The following FUT9 variants were observed in gnomAD, a reference collection of about 807,000 sequenced individuals.
The protein encoded by FUT9 is fucosyltransferase 9, also known as 4-galactosyl-N-acetylglucosaminide 3-alpha-L-fucosyltransferase 9.
In FUT9, 15 loss-of-function variants were observed where a neutral mutation model predicts 29.7. That is an observed-to-expected ratio of 0.51 (90% CI 0.34 to 0.78). FUT9 has a LOEUF of 0.78. FUT9 is among the 30% of genes least tolerant of loss of function. FUT9 has a pLI of 0.01. For missense variants in FUT9, 319 were observed against 425.4 expected (o/e 0.75, Z 2.20); for synonymous variants, 169 against 153.7 (o/e 1.10, Z -0.74).
intron 2 of FUT9, among the ~76,000 whole-genome samples, chr6:96,188,396 A>C (rs4240602): frequency 0.91 from 138,693 of 152,052 alleles, 64,627 homozygotes; most frequent in Non-Finnish European, 1. Flanking sequence ...CCTCCTGAGT[A>C]GCAAGCAATC....
intron 1 of FUT9, among the ~76,000 whole-genome samples, chr6:96,078,405 C>CTGATTTTTTTTTTTTTTTTTTTTTTTT (rs1201729276): frequency 2.2e-5 from 1 of 45,192 alleles, no homozygotes; most frequent in Non-Finnish European, 4.3e-5. Flanking sequence ...TCATATTAGT[C>CTGATTTTTTTTTTTTTTTTTTTTTTTT]TTCTTTTTTT....
At chr6:96,105,820 T>G (rs1771669344) in intron 1 of FUT9, among the ~76,000 whole-genome samples, 1 of 152,206 alleles carries the variant, frequency 6.6e-6, no homozygotes, top group South Asian at 2.1e-4. Context: ...TTAGGAACAT[T>G]GTTAGATATG....
intron 1 of FUT9, among the ~76,000 whole-genome samples, chr6:96,110,126 C>T (rs1436095820): frequency 6.6e-6 from 1 of 152,098 alleles, no homozygotes; most frequent in Non-Finnish European, 1.5e-5. Flanking sequence ...TTCAGTGGGC[C>T]TTTCCATCAG....
At chr6:96,049,241 T>G (rs1582193674) in intron 1 of FUT9, among the ~76,000 whole-genome samples, 1 of 152,236 alleles carries the variant, frequency 6.6e-6, no homozygotes, top group African/African-American at 2.4e-5. Context: ...CTGGGTGCTG[T>G]CCTCTGGAAT....
At chr6:96,021,738 A>G (rs1398635534) in intron 1 of FUT9, among the ~76,000 whole-genome samples, 1 of 152,112 alleles carries the variant, frequency 6.6e-6, no homozygotes, top group Non-Finnish European at 1.5e-5. Context: ...ATATGGCAGC[A>G]TTTAAATAAT....
chr6:96,064,483 C>T (rs760086682), intron 1 of FUT9, among the ~76,000 whole-genome samples: 4 of 151,942 alleles, frequency 2.6e-5, no homozygotes, highest in Non-Finnish European at 4.4e-5. Flanking sequence ...GGGCTGATGG[C>T]GTCATTAGAG....
chr6:96,054,983 A>G (rs914576245), intron 1 of FUT9, among the ~76,000 whole-genome samples: 15 of 152,174 alleles, frequency 9.9e-5, no homozygotes, highest in Non-Finnish European at 2.1e-4. Context: ...TCTTTAAATT[A>G]ATTTTCATTA....
chr6:96,192,958 T>C (rs370781658), intron 2 of FUT9, among the ~76,000 whole-genome samples: 1 of 151,878 alleles, frequency 6.6e-6, no homozygotes, highest in Non-Finnish European at 1.5e-5. Context: ...GGGGAAAGGA[T>C]TCCCTATTTA....
chr6:96,076,388 C>T, intron 1 of FUT9, among the ~76,000 whole-genome samples: 1 of 152,140 alleles, frequency 6.6e-6, no homozygotes, highest in Non-Finnish European at 1.5e-5. Context: ...TTTCAAGTGG[C>T]TATTGAATTA....
At chr6:96,122,077 T>C (rs1389690279) in intron 2 of FUT9, among the ~76,000 whole-genome samples, 1 of 152,140 alleles carries the variant, frequency 6.6e-6, no homozygotes, top group African/African-American at 2.4e-5. Context: ...CAATATTAGC[T>C]TGTGCACTTT....
intron 2 of FUT9, among the ~76,000 whole-genome samples, chr6:96,184,223 A>G (rs1474990743): frequency 3.3e-5 from 5 of 151,942 alleles, no homozygotes; most frequent in Admixed American, 6.6e-5. Flanking sequence ...TAGCTTTTCT[A>G]GTTTATGCAT....
chr6:96,097,667 T>G (rs1042802897), intron 1 of FUT9, among the ~76,000 whole-genome samples: 1 of 152,064 alleles, frequency 6.6e-6, no homozygotes, highest in Non-Finnish European at 1.5e-5. Context: ...TAGGACATAG[T>G]TCAATTTCTT....
At chr6:96,156,796 CTT>C (rs1424995479) in intron 2 of FUT9, among the ~76,000 whole-genome samples, 1 of 152,198 alleles carries the variant, frequency 6.6e-6, no homozygotes, top group Non-Finnish European at 1.5e-5. Context: ...TCTAAGCACT[CTT>C]TTCATTTTAT....
chr6:96,044,072 T>A (rs1355204062), intron 1 of FUT9, among the ~76,000 whole-genome samples: 1 of 152,324 alleles, frequency 6.6e-6, no homozygotes, highest in East Asian at 1.9e-4. Flanking sequence ...TTTGGGTAAG[T>A]GGTTGCGAGT....
At chr6:96,051,914 T>C (rs1770677661) in intron 1 of FUT9, among the ~76,000 whole-genome samples, 1 of 152,130 alleles carries the variant, frequency 6.6e-6, no homozygotes, top group Non-Finnish European at 1.5e-5. Flanking sequence ...GAAAAAGGAC[T>C]GCTGGTTTTC....
chr6:96,199,127 A>C (rs1354520075), intron 2 of FUT9, among the ~76,000 whole-genome samples: 1 of 152,228 alleles, frequency 6.6e-6, no homozygotes, highest in Admixed American at 6.5e-5. Context: ...TAATTATCCT[A>C]TTTACTGTTA....
intron 1 of FUT9, among the ~76,000 whole-genome samples, chr6:96,022,438 A>C (rs772337855): frequency 6.6e-6 from 1 of 152,004 alleles, no homozygotes; most frequent in Non-Finnish European, 1.5e-5. Context: ...AGACATCTGG[A>C]GGTGTTGACA....
At chr6:96,182,953 AT>A (rs544228248) in intron 2 of FUT9, among the ~76,000 whole-genome samples, 1 of 151,258 alleles carries the variant, frequency 6.6e-6, no homozygotes, top group African/African-American at 2.4e-5. Flanking sequence ...GAATTTTAGG[AT>A]TTTTTTTCTA....
intron 2 of FUT9, among the ~76,000 whole-genome samples, chr6:96,144,753 C>T (rs543547021): frequency 6.6e-6 from 1 of 152,134 alleles, no homozygotes; most frequent in African/African-American, 2.4e-5. Flanking sequence ...TCAATAATTG[C>T]TCTAAGAATA....
Sources: gnomAD v4.1 joint callset for allele counts (sites outside exome capture counted in the v4.1 genomes callset) on GRCh38, gnomAD v4.1.1 for gene constraint, MANE v1.5 for transcripts, NCBI Gene and HGNC (gene_info 2026-07-23, HGNC 2026-07-21) for gene names.